Variants in FBN2 observed in about 807,000 individuals in gnomAD.
FBN2 encodes the protein fibrillin 2.
FBN2 carries 105 observed loss-of-function variants against 355.6 expected under a neutral mutation model. The observed-to-expected ratio is 0.30, with a 90% CI of 0.25 to 0.35. The LOEUF is 0.35. Among genes scored for constraint, FBN2 ranks in the 10% least tolerant of loss-of-function variants. The probability of loss-of-function intolerance (pLI) is 1.00; values close to 1 mark genes in which losing one functional copy is unlikely to be tolerated. For synonymous variants in FBN2, 1,350 were observed against 1,301.2 expected, an observed-to-expected ratio of 1.04 and a Z score of -0.81; for missense variants, 3,280 against 3,758.7, an observed-to-expected ratio of 0.87 and a Z score of 3.33.
intron 7 of FBN2, among the ~76,000 whole-genome samples, chr5:128,440,387 A>G (rs1469719410): frequency 6.6e-6 from 1 of 152,162 alleles, no homozygotes; most frequent in Admixed American, 6.5e-5. Flanking sequence ...TGGCTAGGGA[A>G]GCTTCAGGAA....
intron 36 of FBN2, among the ~76,000 whole-genome samples, chr5:128,317,258 G>A (rs1047930335): frequency 6.6e-6 from 1 of 152,110 alleles, no homozygotes. Flanking sequence ...CCTCTAGAAT[G>A]TAAACACAAA....
At position 128,309,297 on chromosome 5, in the gene FBN2, A is replaced by G. The variant is rs779202876; in HGVS notation, c.5303T>C (p.Val1768Ala). 2.6e-5 allele frequency: 42 copies of G among 1,614,046 alleles called. 1 individual carries two copies. The Middle Eastern group carries it at 4.3e-3, about 164-fold the overall frequency. Residue 1768 changes from valine to alanine, a missense_variant, in exon 41 of 65, where the codon GTG becomes GCG. By Grantham distance (64) the Val-to-Ala change is moderately conservative. This residue lies in a region of FBN2 where 2,284 missense variants were observed against 2,749.5 expected (regional missense o/e 0.83). Coordinates refer to ENST00000262464, the MANE Select transcript of FBN2 (RefSeq NM_001999.4). ...TKRMCCCTYN[V>A]GKAWNKPCEP... ...ACAAGGTTTGTTCCAGGCTTTGCCC[A>G]CATTATATGTGCAGCAGCACATCCT...
rs747084358 is a variant in FBN2 at position 128,537,353 on chromosome 5, C to T, written c.251G>A (p.Arg84Gln). The change falls in exon 1 of 65, where the codon CGA (arginine) becomes CAA (glutamine). Residue 84 changes from arginine (R) to glutamine (Q), a missense_variant. Physicochemically the swap from Arg to Gln is conservative, Grantham distance 43. Around this residue, in one of 6 missense-constraint regions of FBN2, gnomAD observed 203 missense variants for 142.2 expected, o/e 1.43. Coordinates refer to ENST00000262464, the MANE Select transcript of FBN2 (RefSeq NM_001999.4). ...GCGGAGCCGCTTGCCCACTTACCCT[C>T]GGAGCACGTCCTGCTGTCCTCGCCG... is the stretch of plus-strand genomic sequence containing the variant. ...VRRRGQQDVL[R>Q]GPNVCGSRFH... The T allele has an allele frequency of 1.2e-6, 2 of 1,610,450 alleles. No homozygotes were observed. Among genetic ancestry groups the T allele is most frequent in the Non-Finnish European group, 8.5e-7 (1 of 1,179,796 alleles).
intron 5 of FBN2, among the ~76,000 whole-genome samples, chr5:128,498,670 T>C (rs1755720625): frequency 6.6e-6 from 1 of 152,192 alleles, no homozygotes; most frequent in African/African-American, 2.4e-5. Context: ...CAATAGAAAA[T>C]ACATAACTGT....
At chr5:128,392,978 T>C (rs1752556903) in intron 10 of FBN2, among the ~76,000 whole-genome samples, 157 bp downstream of exon 10, 1 of 152,138 alleles carries the variant, frequency 6.6e-6, no homozygotes, top group African/African-American at 2.4e-5. Context: ...CTTGAAACAC[T>C]TTTCCCTCTG....
At position 128,537,619 on chromosome 5, in the gene FBN2, C is replaced by G; in HGVS notation, c.-16G>C. 2 of 1,605,098 alleles carry G rather than the reference C, an allele frequency of 1.2e-6. No homozygotes were observed. The highest frequency in any genetic ancestry group is 1.7e-6 in the Non-Finnish European group (2 of 1,177,582). ...TTCTCCCCATCGCCGGCGCCGAAAG[C>G]GCGCGGCCGTAGACCCGCGGAGAGG... On this transcript the variant is annotated 5_prime_UTR_variant, in exon 1 of 65. Transcript: ENST00000262464.
chr5:128,373,233 T>G (rs778909601), intron 15 of FBN2, among the ~76,000 whole-genome samples: 1 of 152,214 alleles, frequency 6.6e-6, no homozygotes, highest in Non-Finnish European at 1.5e-5. Flanking sequence ...AAACTGGCTT[T>G]GTGCTCATGG....
chr5:128,497,359 T>C (rs1755683287), intron 5 of FBN2, among the ~76,000 whole-genome samples: 2 of 152,220 alleles, frequency 1.3e-5, no homozygotes, highest in African/African-American at 4.8e-5. Context: ...AACTATGAGC[T>C]GAATTTCTAG....
At chr5:128,389,058 T>A (rs1167231867) in intron 11 of FBN2, among the ~76,000 whole-genome samples, 1 of 152,250 alleles carries the variant, frequency 6.6e-6, no homozygotes, top group Non-Finnish European at 1.5e-5. Flanking sequence ...TTTATTTTCA[T>A]CTGACTGAGT....
At chr5:128,533,992 A>G (rs946993997) in intron 2 of FBN2, among the ~76,000 whole-genome samples, 6 of 152,102 alleles carry the variant, frequency 3.9e-5, no homozygotes, top group Non-Finnish European at 7.4e-5. Flanking sequence ...ACTCAAATCA[A>G]AATGCATTAG....
Position 128,489,070 on chromosome 5 carries a change from C to T in FBN2, c.629-24149G>A, listed in dbSNP as rs1000130549. On this transcript the variant is annotated intron_variant, in intron 5 of 64. Coordinates refer to ENST00000262464, the MANE Select transcript of FBN2 (RefSeq NM_001999.4). ...TTCTAGTTCTAGATCCCTGAGGAATCGCCGCACTGACTTCCACAATGGTTG... is the reference window on the plus strand; with the variant it reads ...TTCTAGTTCTAGATCCCTGAGGAATTGCCGCACTGACTTCCACAATGGTTG... Among the ~76,000 whole-genome samples, 7 of 152,076 alleles carry T rather than the reference C, an allele frequency of 4.6e-5. No homozygotes were observed. In the South Asian group the frequency reaches 6.2e-4, roughly 14 times the overall value.
At chr5:128,299,434 C>CGCTGCCGCGTT (rs61307257) in intron 48 of FBN2, among the ~76,000 whole-genome samples, 1 of 122,944 alleles carries the variant, frequency 8.1e-6, no homozygotes, top group African/African-American at 3.4e-5. Context: ...CCCCCAGCCT[C>CGCTGCCGCGTT]ACAGTTTGAT....
In FBN2 at chr5:128,339,011, C is replaced by T. The variant is rs138834515; in HGVS notation, c.3394G>A (p.Val1132Ile). ...SPDLCGSGICVNTPGSFECEC... is the reference protein window; with the variant it reads ...SPDLCGSGICINTPGSFECEC... The stretch of plus-strand genomic sequence containing the variant: ...CACTCAAAGCTGCCCGGTGTATTGA[C>T]GCAGATTCCACTGCCACAGAGGTCA... The change falls in exon 26 of 65, where the codon GTC becomes ATC. Residue 1132 changes from valine to isoleucine, a missense_variant. By Grantham distance (29) the Val-to-Ile change is conservative (BLOSUM62 3). Around this residue, in one of 6 missense-constraint regions of FBN2, gnomAD observed 2,284 missense variants for 2,749.5 expected, o/e 0.83. Transcript: ENST00000262464. 2.9e-4 allele frequency: 465 copies of T among 1,613,794 alleles called. No individual in the cohort carries two copies. Among genetic ancestry groups the T allele is most frequent in the East Asian group, 1.2e-3 (56 of 44,888 alleles).
Position 128,309,697 on chromosome 5 carries a change from T to C in FBN2, c.5200+286A>G, listed in dbSNP as rs10040006. 0.044 allele frequency among the ~76,000 whole-genome samples: 6,755 copies of C among 152,280 alleles called. 515 individuals carry two copies. The highest frequency in any genetic ancestry group is 0.15 in the African/African-American group (6,409 of 41,520). Reference sequence around the variant, plus strand: ...AAATAAAGCATTAAAATTTAAATGTTCTTTTATTTGTAAATTAATGTTCAC... The same window carrying C: ...AAATAAAGCATTAAAATTTAAATGTCCTTTTATTTGTAAATTAATGTTCAC... On this transcript the variant is annotated intron_variant, in intron 40 of 64. Transcript: ENST00000262464.
At chr5:128,449,425 ATAGTAT>A (rs1303683859) in intron 6 of FBN2, among the ~76,000 whole-genome samples, 2 of 139,416 alleles carry the variant, frequency 1.4e-5, no homozygotes, top group Non-Finnish European at 3.1e-5. Context: ...ATACTATATA[ATAGTAT>A]ACTGTATAAT....
At chr5:128,469,680 G>A (rs182259814) in intron 5 of FBN2, among the ~76,000 whole-genome samples, 3 of 152,274 alleles carry the variant, frequency 2.0e-5, no homozygotes, top group African/African-American at 7.2e-5. Context: ...ACCAGAAATT[G>A]TACAGGTGAA....
intron 5 of FBN2, among the ~76,000 whole-genome samples, chr5:128,488,549 G>A (rs998788365): frequency 6.6e-6 from 1 of 151,730 alleles, no homozygotes; most frequent in African/African-American, 2.4e-5. Context: ...TGTGCACAAT[G>A]TGCAGCTTAG....
chr5:128,270,099 A>T (rs1403273828), intron 62 of FBN2, among the ~76,000 whole-genome samples: 2 of 152,184 alleles, frequency 1.3e-5, no homozygotes, highest in Non-Finnish European at 2.9e-5. Context: ...TGGGGAAAGG[A>T]TCTCCTATTC....
intron 7 of FBN2, among the ~76,000 whole-genome samples, chr5:128,413,210 A>G (rs894183245): frequency 6.6e-6 from 1 of 152,210 alleles, no homozygotes; most frequent in Non-Finnish European, 1.5e-5. Flanking sequence ...AAGTATAAGG[A>G]TTGCCTTTGA....
Sources: gnomAD v4.1 joint callset for allele counts (sites outside exome capture counted in the v4.1 genomes callset) on GRCh38, gnomAD v4.1.1 for gene constraint, gnomAD v4.1.1 regional missense constraint, MANE v1.5 for transcripts, NCBI Gene and HGNC (gene_info 2026-07-23, HGNC 2026-07-21) for gene names.